AP1M1: variants seen among roughly 807,000 people sequenced by gnomAD.
AP1M1 encodes the protein AP-1 complex subunit mu-1.
AP1M1 carries 18 observed loss-of-function variants against 57.1 expected under a neutral mutation model. The observed-to-expected ratio is 0.32, with a 90% CI of 0.22 to 0.47. The LOEUF is 0.47. Ranked by LOEUF, AP1M1 falls within the 20% of genes least tolerant of loss-of-function variation. AP1M1 has a pLI of 1.00. For missense variants in AP1M1, 362 were observed against 593.5 expected (o/e 0.61, Z 4.05); for synonymous variants, 241 against 237.9 (o/e 1.01, Z -0.12).
rs538071391 is a variant in AP1M1 at position 16,202,260 on chromosome 19, C to T, written c.43-1199C>T. On this transcript the variant is annotated intron_variant, in intron 1 of 11. Coordinates refer to ENST00000291439, the MANE Select transcript of AP1M1 (RefSeq NM_032493.4). The stretch of plus-strand genomic sequence containing the variant: ...ATGGTCAGCGCCGCAATGGCCTTCT[C>T]AGCATGTTGCTGAGTCCTGCAGCTG... Among the ~76,000 whole-genome samples the T allele has an allele frequency of 4.1e-4, 62 of 152,348 alleles. 1 individual carries two copies. The East Asian group carries it at 0.012, about 29-fold the overall frequency.
chr19:16,202,642 G>A (rs1012585737), intron 1 of AP1M1, among the ~76,000 whole-genome samples: 3 of 152,220 alleles, frequency 2.0e-5, no homozygotes, highest in African/African-American at 7.2e-5. Context: ...TGATTCTGAT[G>A]CGCCTGTGTA....
At chr19:16,231,115 C>T (rs1303340847) in intron 9 of AP1M1, among the ~76,000 whole-genome samples, 3 of 151,696 alleles carry the variant, frequency 2.0e-5, no homozygotes, top group East Asian at 2.0e-4. Context: ...GGTGAAACCC[C>T]GTCTCTACTA....
Position 16,207,230 on chromosome 19 carries a change from A to T in AP1M1, c.268-789A>T, listed in dbSNP as rs770571721. On this transcript the variant is annotated intron_variant, in intron 3 of 11. Coordinates refer to ENST00000291439, the MANE Select transcript of AP1M1 (RefSeq NM_032493.4). This position sits in a 1 kb window ranked among gnomAD's most constrained non-coding sequence, Gnocchi z 4.2. The stretch of plus-strand genomic sequence containing the variant: ...CTGGGAAAGCTTTCATCCCTCACTG[A>T]TGCTGCCTGTGCAGAATGTTGGGGA... Among the ~76,000 whole-genome samples the T allele has an allele frequency of 6.6e-6, 1 of 152,202 alleles. No homozygotes were observed. Among genetic ancestry groups the T allele is most frequent in the East Asian group, 1.9e-4 (1 of 5,156 alleles).
At chr19:16,226,741 A>C in intron 6 of AP1M1, 194 bp downstream of exon 6, 1 of 705,754 alleles carries the variant, frequency 1.4e-6, no homozygotes, top group Non-Finnish European at 2.1e-6. Context: ...CAGGGGAGTG[A>C]AGATCCTCCA....
chr19:16,212,755 C>T (rs1204964755), intron 5 of AP1M1, among the ~76,000 whole-genome samples: 2 of 152,182 alleles, frequency 1.3e-5, no homozygotes, highest in East Asian at 3.9e-4. Flanking sequence ...TTTCTCTTAA[C>T]ACTGCCCTAG....
At chr19:16,217,195 T>G (rs942914210) in intron 5 of AP1M1, among the ~76,000 whole-genome samples, 6 of 152,132 alleles carry the variant, frequency 3.9e-5, no homozygotes, top group Non-Finnish European at 7.4e-5. Flanking sequence ...CTCTGTTTTC[T>G]CTGCCTAGTT....
chr19:16,231,245 A>G (rs1302690012), intron 9 of AP1M1, among the ~76,000 whole-genome samples: 9 of 143,338 alleles, frequency 6.3e-5, no homozygotes, highest in Non-Finnish European at 1.0e-4. Flanking sequence ...CCAAGATTGC[A>G]CCACTGCACT....
chr19:16,240,480 G>T lies in AP1M1; in HGVS notation c.*6045G>T, dbSNP rs185706016. ...TTGTTTTTCATTTTGACGGAGTTTC[G>T]CGTTTGTTGCCCAGGCTGGAGTGCA... On this transcript the variant is annotated 3_prime_UTR_variant, in exon 12 of 12. Transcript: ENST00000291439. The T allele has an allele frequency of 1.3e-5, 2 of 151,952 alleles. No individual in the cohort carries two copies. Among genetic ancestry groups the T allele is most frequent in the Non-Finnish European group, 1.5e-5 (1 of 68,002 alleles). 9.4% of individuals were successfully genotyped at this position (151,952 alleles called of 1,614,324 possible).
In AP1M1 at chr19:16,206,496, A is replaced by G; in HGVS notation, c.267+88A>G. On this transcript the variant is annotated intron_variant, in intron 3 of 11. Coordinates refer to ENST00000291439, the MANE Select transcript of AP1M1 (RefSeq NM_032493.4). This position sits in a 1 kb window ranked among gnomAD's most constrained non-coding sequence, Gnocchi z 4.3. The stretch of plus-strand genomic sequence containing the variant: ...CTCCCCATACCTGGCCACCCTACAG[A>G]GAGCTGTGGCATCCCCAGGGAGCAC... 7.1e-7 allele frequency: 1 copy of G among 1,408,578 alleles called. No individual in the cohort carries two copies. Among genetic ancestry groups the G allele is most frequent in the Non-Finnish European group, 1.0e-6 (1 of 1,001,936 alleles). 87.3% of individuals were successfully genotyped at this position (1,408,578 alleles called of 1,614,324 possible).
chr19:16,215,165 T>A (rs1428626591), intron 5 of AP1M1, among the ~76,000 whole-genome samples: 1 of 112,332 alleles, frequency 8.9e-6, no homozygotes, highest in Non-Finnish European at 1.8e-5. Flanking sequence ...GGCTTACACC[T>A]GTAATCCCAG....
At chr19:16,212,897 G>A (rs958225602) in intron 5 of AP1M1, among the ~76,000 whole-genome samples, 1 of 152,160 alleles carries the variant, frequency 6.6e-6, no homozygotes, top group South Asian at 2.1e-4. Context: ...CCATGTAATT[G>A]TATGGGTTTG....
At chr19:16,210,074 G>C (rs1396476584) in intron 5 of AP1M1, among the ~76,000 whole-genome samples, 1 of 152,110 alleles carries the variant, frequency 6.6e-6, no homozygotes, top group Non-Finnish European at 1.5e-5. Context: ...GGCATCATAT[G>C]TCACCGCAGC....
chr19:16,212,233 GT>G lies in AP1M1; in HGVS notation c.546+3064del, dbSNP rs919478926. On this transcript the variant is annotated intron_variant, in intron 5 of 11. Transcript: ENST00000291439. Reference sequence around the variant, plus strand: ...TCAGCTGTGAGTCCGTCTGGTCCAGGTTTTTTTTGGTTGTTAGGCTATTTAT... The same window carrying G: ...TCAGCTGTGAGTCCGTCTGGTCCAGGTTTTTTTGGTTGTTAGGCTATTTAT... 2.0e-5 allele frequency among the ~76,000 whole-genome samples: 3 copies of G among 151,864 alleles called. No individual in the cohort carries two copies. The East Asian group carries it at 5.8e-4, about 29-fold the overall frequency.
At chr19:16,231,952 G>A (rs941364309) in intron 9 of AP1M1, among the ~76,000 whole-genome samples, 1 of 152,196 alleles carries the variant, frequency 6.6e-6, no homozygotes, top group Non-Finnish European at 1.5e-5. Flanking sequence ...GTGCCCATGG[G>A]TGGCCATGGC....
chr19:16,210,261 C>T (rs867168465), intron 5 of AP1M1: 2 of 664,260 alleles, frequency 3.0e-6, no homozygotes, highest in South Asian at 3.3e-5. Flanking sequence ...CACAGAAGGA[C>T]ATTTGGGTGG....
intron 5 of AP1M1, among the ~76,000 whole-genome samples, chr19:16,211,102 T>G (rs73009161): frequency 8.3e-4 from 45 of 53,972 alleles, no homozygotes; most frequent in Admixed American, 3.3e-3. Context: ...CTTAGCAGTG[T>G]TTTTTTTTTT....
intron 2 of AP1M1, among the ~76,000 whole-genome samples, chr19:16,205,834 T>G (rs1256720929): frequency 6.6e-6 from 1 of 152,172 alleles, no homozygotes; most frequent in Non-Finnish European, 1.5e-5. Context: ...ATATCAAGGT[T>G]TCTCTAGAAA....
intron 5 of AP1M1, 161 bp downstream of exon 5, chr19:16,209,338 C>CT (rs1045706608): frequency 0.017 from 11,743 of 693,398 alleles, no homozygotes; most frequent in South Asian, 0.02. Flanking sequence ...TTTGTCTTAT[C>CT]TTTTTTTTTT....
At position 16,203,099 on chromosome 19, in the gene AP1M1, A is replaced by G; in HGVS notation, c.43-360A>G. 1 of 255,680 alleles carries G rather than the reference A, an allele frequency of 3.9e-6. No individual in the cohort carries two copies. The highest frequency in any genetic ancestry group is 7.7e-6 in the Non-Finnish European group (1 of 129,914). The allele number at this position is 255,680 out of a possible 1,614,324, so 15.8% of individuals were successfully genotyped here. ...GGCGCCCTGACACAGGCGGGAGAGC[A>G]AGGTGCGTTGGCCCGGCAAAGGCTC... is the stretch of plus-strand genomic sequence containing the variant. On this transcript the variant is annotated intron_variant, in intron 1 of 11. Transcript: ENST00000291439. The surrounding 1 kb of genome is among the most constrained non-coding windows in gnomAD (Gnocchi z 4.6).
Sources: gnomAD v4.1 joint callset for allele counts (sites outside exome capture counted in the v4.1 genomes callset) on GRCh38, gnomAD v4.1.1 for gene constraint, Gnocchi (gnomAD v3.1) non-coding constraint, MANE v1.5 for transcripts, NCBI Gene and HGNC (gene_info 2026-07-23, HGNC 2026-07-21) for gene names.